The following LARGE1 variants were observed in gnomAD, a reference collection of about 807,000 sequenced individuals.
LARGE1 encodes the protein LARGE xylosyl- and glucuronyltransferase 1, also known as xylosyl- and glucuronyltransferase LARGE1.
In LARGE1, 43 loss-of-function variants were observed where a neutral mutation model predicts 87.6. The ratio of observed to expected loss-of-function variants is 0.49; its 90% CI spans 0.38 to 0.63. The LOEUF is 0.63. LARGE1 is among the 30% of genes least tolerant of loss of function. LARGE1 has a pLI of 0.00. For synonymous variants in LARGE1, 434 were observed against 394.6 expected (o/e 1.10, Z -1.18); for missense variants, 802 against 1,000.2 (o/e 0.80, Z 2.67).
intron 11 of LARGE1, chr22:33,221,512 G>T (rs1602110534): frequency 6.6e-6 from 1 of 152,212 alleles, no homozygotes; most frequent in African/African-American, 2.4e-5. Context: ...CAAATGTTGA[G>T]TCATCAAAGG....
At chr22:33,769,678 C>A (rs1237543066) in intron 1 of LARGE1, among the ~76,000 whole-genome samples, 2 of 152,166 alleles carry the variant, frequency 1.3e-5, no homozygotes, top group Non-Finnish European at 2.9e-5. Flanking sequence ...AACCTCCTTC[C>A]TCTCACGTCA....
intron 1 of LARGE1, among the ~76,000 whole-genome samples, chr22:33,809,810 A>C (rs906048265): frequency 3.3e-5 from 5 of 152,328 alleles, no homozygotes; most frequent in African/African-American, 1.2e-4. Context: ...ACACTTAAGT[A>C]CATCTCAATT....
At chr22:33,864,744 A>G (rs2064035316) in intron 1 of LARGE1, among the ~76,000 whole-genome samples, 1 of 152,220 alleles carries the variant, frequency 6.6e-6, no homozygotes, top group Non-Finnish European at 1.5e-5. Flanking sequence ...GCCAAAGCCC[A>G]CAGAACAGGG....
the LARGE1 span, among the ~76,000 whole-genome samples, chr22:33,104,919 CTT>C: frequency 2.0e-5 from 2 of 102,514 alleles, no homozygotes; most frequent in South Asian, 3.4e-4. Flanking sequence ...TTCTTTCTTT[CTT>C]TCTTTCTTTC....
chr22:33,294,258 G>A (rs947050839), intron 12 of LARGE1, among the ~76,000 whole-genome samples: 3 of 152,240 alleles, frequency 2.0e-5, no homozygotes, highest in Non-Finnish European at 2.9e-5. Flanking sequence ...GGGAATCGCA[G>A]GGCTGAAGGC....
At chr22:33,905,777 C>T (rs1248595741) in intron 1 of LARGE1, among the ~76,000 whole-genome samples, 1 of 152,158 alleles carries the variant, frequency 6.6e-6, no homozygotes, top group African/African-American at 2.4e-5. Context: ...GATTTTCATA[C>T]CCAGAGCAAC....
At chr22:33,815,199 G>T (rs115618312) in intron 1 of LARGE1, among the ~76,000 whole-genome samples, 1 of 152,168 alleles carries the variant, frequency 6.6e-6, no homozygotes, top group Non-Finnish European at 1.5e-5. Flanking sequence ...AGCCTAGCAC[G>T]TTCAGTTTCT....
chr22:33,481,385 A>G (rs769312786), intron 6 of LARGE1, among the ~76,000 whole-genome samples: 1 of 152,098 alleles, frequency 6.6e-6, no homozygotes, highest in Non-Finnish European at 1.5e-5. Context: ...AGTGGAGAAC[A>G]TTCATGTCTG....
At chr22:33,668,690 C>T (rs1488611319) in intron 2 of LARGE1, among the ~76,000 whole-genome samples, 2 of 152,182 alleles carry the variant, frequency 1.3e-5, no homozygotes, top group South Asian at 2.1e-4. Flanking sequence ...GCCCACTCTA[C>T]ATAAGGCAGG....
At chr22:33,106,688 G>A in the LARGE1 span, among the ~76,000 whole-genome samples, 5 of 151,984 alleles carry the variant, frequency 3.3e-5, no homozygotes, top group Admixed American at 2.0e-4. Context: ...TAGAAATGGG[G>A]TTTCACCATG....
At chr22:33,322,544 T>A (rs1297242345) in intron 10 of LARGE1, 1 of 152,222 alleles carries the variant, frequency 6.6e-6, no homozygotes, top group Non-Finnish European at 1.5e-5. Context: ...GTGATCCATC[T>A]TGGATGTTCA....
chr22:33,807,292 G>A lies in LARGE1; in HGVS notation c.-82-45734C>T, dbSNP rs143816252. On this transcript the variant is annotated intron_variant, in intron 1 of 14. Transcript: ENST00000397394. ...TGGGATTAAATAAATTAATCTACACGATTAATTATTAGGAACCAGCATGTA... is the reference window on the plus strand; with the variant it reads ...TGGGATTAAATAAATTAATCTACACAATTAATTATTAGGAACCAGCATGTA... Among the ~76,000 whole-genome samples, 624 of 152,228 alleles carry A rather than the reference G, an allele frequency of 4.1e-3. 15 individuals carry two copies. Among genetic ancestry groups the A allele is most frequent in the Admixed American group, 0.035 (540 of 15,278 alleles).
intron 2 of LARGE1, among the ~76,000 whole-genome samples, chr22:33,714,876 T>C (rs2082864536): frequency 1.3e-5 from 2 of 152,124 alleles, no homozygotes; most frequent in African/African-American, 4.8e-5. Flanking sequence ...ATAGGACACA[T>C]TCCTCACCCG....
chr22:33,921,105 C>T (rs2065937866), upstream of LARGE1, among the ~76,000 whole-genome samples: 1 of 150,820 alleles, frequency 6.6e-6, no homozygotes, highest in African/African-American at 2.4e-5. This position sits in a 1 kb window ranked among gnomAD's most constrained non-coding sequence, Gnocchi z 4.1. Flanking sequence ...GGCGCCCGCC[C>T]CCGACCCCGT....
chr22:33,786,831 C>T (rs1052152121), intron 1 of LARGE1, among the ~76,000 whole-genome samples: 1 of 152,162 alleles, frequency 6.6e-6, no homozygotes, highest in Non-Finnish European at 1.5e-5. Context: ...ACCAGCCTGG[C>T]CAATATAGTG....
chr22:33,573,299 C>T (rs1049916588), intron 5 of LARGE1, among the ~76,000 whole-genome samples: 11 of 152,070 alleles, frequency 7.2e-5, no homozygotes, highest in Non-Finnish European at 1.3e-4. Flanking sequence ...ATTAGCCGGG[C>T]GTGGTGGTGT....
chr22:33,215,777 G>C (rs1190213572), intron 11 of LARGE1, among the ~76,000 whole-genome samples: 1 of 152,108 alleles, frequency 6.6e-6, no homozygotes, highest in East Asian at 1.9e-4. Flanking sequence ...CCAACATGTC[G>C]AAATCCCGTC....
intron 11 of LARGE1, among the ~76,000 whole-genome samples, chr22:33,203,935 C>T (rs66576024): frequency 0.24 from 36,895 of 152,086 alleles, 4,696 homozygotes; most frequent in Middle Eastern, 0.38. Context: ...CATTTCCATA[C>T]TTTTCTCCCA....
At chr22:33,642,605 CA>C (rs1167453050) in intron 3 of LARGE1, among the ~76,000 whole-genome samples, 4 of 148,258 alleles carry the variant, frequency 2.7e-5, no homozygotes, top group Non-Finnish European at 3.0e-5. Context: ...TGGATAGAGT[CA>C]AGACCCATCA....
Sources: allele counts gnomAD v4.1 joint callset (sites outside exome capture counted in the v4.1 genomes callset), GRCh38; gene constraint gnomAD v4.1.1; non-coding constraint Gnocchi (gnomAD v3.1); transcripts MANE v1.5; gene names NCBI Gene and HGNC (gene_info 2026-07-23, HGNC 2026-07-21).